Variants in NBAS observed in about 807,000 individuals in gnomAD.
NBAS encodes the protein NAG/BC035112 fusion.
A neutral mutation model predicts 302.5 loss-of-function variants in NBAS; 219 were observed. The ratio of observed to expected loss-of-function variants is 0.72; its 90% CI spans 0.65 to 0.81. The LOEUF (loss-of-function observed/expected upper bound fraction) is 0.81, where lower values mean the gene tolerates loss of function less well. NBAS is among the 30% of genes least tolerant of loss of function. The pLI is 0.00. For missense variants in NBAS, 2,932 were observed against 2,841.6 expected (o/e 1.03, Z -0.72); for synonymous variants, 1,118 against 1,021.6 (o/e 1.09, Z -1.80).
At position 15,305,666 on chromosome 2, in the gene NBAS, C is replaced by T. The variant is rs547890986; in HGVS notation, c.4797+2550G>A. 4.3e-4 allele frequency among the ~76,000 whole-genome samples: 66 copies of T among 151,992 alleles called. 1 individual carries two copies. Among genetic ancestry groups the T allele is most frequent in the African/African-American group, 1.4e-3 (60 of 41,482 alleles). ...GGGGTTTCACCATGTTGGCTGGTCT[C>T]GAACTCCTGACCTCAAGTGATCCAC... On this transcript the variant is annotated intron_variant, in intron 40 of 51. Coordinates refer to ENST00000281513, the MANE Select transcript of NBAS (RefSeq NM_015909.4).
chr2:15,147,225 C>A, the NBAS span, among the ~76,000 whole-genome samples: 1 of 152,140 alleles, frequency 6.6e-6, no homozygotes, highest in Non-Finnish European at 1.5e-5. Context: ...GTGCAGCCAG[C>A]ACCCTAAACA....
chr2:15,467,051 A>G (rs1181035219), intron 19 of NBAS, among the ~76,000 whole-genome samples: 1 of 152,198 alleles, frequency 6.6e-6, no homozygotes, highest in African/African-American at 2.4e-5. Flanking sequence ...TAAAATCAAA[A>G]TATAAAAGTA....
intron 44 of NBAS, 142 bp downstream of exon 44, chr2:15,275,342 C>T (rs2148054316): frequency 1.0e-6 from 1 of 982,544 alleles, no homozygotes; most frequent in Non-Finnish European, 1.5e-6. Context: ...ACCTCATTCA[C>T]AGCAAATGAA....
chr2:14,868,812 C>T, the NBAS span, among the ~76,000 whole-genome samples: 1 of 152,142 alleles, frequency 6.6e-6, no homozygotes, highest in African/African-American at 2.4e-5. Flanking sequence ...TCTGGTAAGA[C>T]TACAAATTAT....
chr2:15,132,599 G>T, the NBAS span, among the ~76,000 whole-genome samples: 1 of 152,098 alleles, frequency 6.6e-6, no homozygotes, highest in East Asian at 1.9e-4. Context: ...ATAATGTGTC[G>T]ATATAGGTTC....
intron 5 of NBAS, among the ~76,000 whole-genome samples, chr2:15,552,610 ACT>A (rs1286379526): frequency 6.6e-6 from 1 of 152,132 alleles, no homozygotes; most frequent in East Asian, 1.9e-4. Flanking sequence ...TAACTGATAT[ACT>A]GTTTAAAAAT....
chr2:14,978,655 TA>T, the NBAS span, among the ~76,000 whole-genome samples: 1 of 152,124 alleles, frequency 6.6e-6, no homozygotes, highest in African/African-American at 2.4e-5. Flanking sequence ...TCCTTACAGA[TA>T]AGGAAACTGA....
intron 36 of NBAS, among the ~76,000 whole-genome samples, chr2:15,328,899 T>TTAGA (rs1321661626): frequency 3.3e-5 from 5 of 152,196 alleles, no homozygotes; most frequent in Admixed American, 1.3e-4. Context: ...GACTGCCTGG[T>TTAGA]TAGATCCTAA....
chr2:15,287,011 C>T, intron 42 of NBAS, 62 bp downstream of exon 42: 1 of 1,348,756 alleles, frequency 7.4e-7, no homozygotes, highest in Non-Finnish European at 1.1e-6. Flanking sequence ...CTTCAAGAGT[C>T]TTCAAAAATA....
chr2:15,178,799 TAGTA>T (rs1255163892), intron 51 of NBAS, among the ~76,000 whole-genome samples, 185 bp downstream of exon 51: 3 of 152,190 alleles, frequency 2.0e-5, no homozygotes, highest in Non-Finnish European at 2.9e-5. Context: ...GGGAAGAGCT[TAGTA>T]AGTGTTTGTA....
At chr2:15,284,137 A>G (rs550144698) in intron 42 of NBAS, among the ~76,000 whole-genome samples, 2 of 152,098 alleles carry the variant, frequency 1.3e-5, no homozygotes, top group South Asian at 2.1e-4. Context: ...TAAAACAACA[A>G]CAACAAGAAA....
chr2:15,035,840 G>C, the NBAS span, among the ~76,000 whole-genome samples: 1 of 152,038 alleles, frequency 6.6e-6, no homozygotes. Context: ...GGCCTGTCCG[G>C]GGTGGGAGAA....
intron 44 of NBAS, among the ~76,000 whole-genome samples, chr2:15,252,145 C>A (rs1310896439): frequency 6.6e-6 from 1 of 152,230 alleles, no homozygotes; most frequent in Non-Finnish European, 1.5e-5. Context: ...AGATGACCTA[C>A]ATCATCTGCA....
chr2:15,382,467 G>C (rs764593128), intron 29 of NBAS, among the ~76,000 whole-genome samples: 1 of 152,218 alleles, frequency 6.6e-6, no homozygotes, highest in African/African-American at 2.4e-5. Flanking sequence ...GGCAACTTAT[G>C]AGGAAGGACA....
chr2:15,525,825 C>G (rs988773547), intron 9 of NBAS, among the ~76,000 whole-genome samples: 2 of 151,880 alleles, frequency 1.3e-5, no homozygotes, highest in Non-Finnish European at 2.9e-5. Context: ...AAAATAGTAA[C>G]AAAATCATAA....
chr2:14,917,274 C>T, the NBAS span, among the ~76,000 whole-genome samples: 1 of 152,164 alleles, frequency 6.6e-6, no homozygotes, highest in African/African-American at 2.4e-5. Flanking sequence ...AGCTCACTCA[C>T]AAGGTTGTTG....
intron 51 of NBAS, among the ~76,000 whole-genome samples, chr2:15,175,255 G>A (rs754759955): frequency 3.0e-4 from 46 of 152,210 alleles, no homozygotes; most frequent in Admixed American, 2.0e-3. Context: ...GTGAGCCACC[G>A]TGCCCGGCCA....
intron 38 of NBAS, among the ~76,000 whole-genome samples, chr2:15,326,590 C>A (rs1012269235): frequency 1.3e-5 from 2 of 151,980 alleles, no homozygotes; most frequent in Non-Finnish European, 2.9e-5. Flanking sequence ...GAAAGAGAAA[C>A]ATGACTATAC....
intron 17 of NBAS, among the ~76,000 whole-genome samples, 167 bp from the exon 18 acceptor site, chr2:15,467,971 C>T (rs1679796094): frequency 1.3e-5 from 2 of 151,792 alleles, no homozygotes; most frequent in South Asian, 4.2e-4. Context: ...TCATTATATC[C>T]ACAGATGGGC....
Sources: gnomAD v4.1 joint callset for allele counts (sites outside exome capture counted in the v4.1 genomes callset) on GRCh38, gnomAD v4.1.1 for gene constraint, MANE v1.5 for transcripts, NCBI Gene and HGNC (gene_info 2026-07-23, HGNC 2026-07-21) for gene names.